BEST1: variants seen among roughly 807,000 people sequenced by gnomAD.
BEST1 encodes bestrophin 1.
Under a neutral mutation model 63.3 loss-of-function variants are expected in BEST1, and 58 were observed. The observed-to-expected ratio is 0.92, with a 90% CI of 0.74 to 1.14. The LOEUF is 1.14. BEST1 is among the 50% of genes most tolerant of loss of function. The pLI is 0.00. For missense variants in BEST1, 671 were observed against 740.1 expected (o/e 0.91, Z 1.08); for synonymous variants, 283 against 291.6 (o/e 0.97, Z 0.30).
chr11:61,955,527 A>T (rs1591282457), intron 3 of BEST1, 191 bp from the exon 4 acceptor site: 2 of 1,014,542 alleles, frequency 2.0e-6, no homozygotes, highest in Non-Finnish European at 1.4e-6. Context: ...GGGTGACAGA[A>T]CCCTTGGGGC....
chr11:61,962,394 T>C lies in BEST1; in HGVS notation c.1240T>C (p.Trp414Arg). 3 of 1,614,140 alleles carry C rather than the reference T, an allele frequency of 1.9e-6. No homozygotes were observed. Among genetic ancestry groups the C allele is most frequent in the Non-Finnish European group, 2.5e-6 (3 of 1,180,022 alleles). ...GGCAAACTCAAGGACCAAACTACTG[T>C]GGCCCAAGAGGGAATCCCTTCTCCA... ...PRANSRTKLL[W>R]PKRESLLHEG... The change falls in exon 10 of 11, where the codon TGG becomes CGG. Residue 414 changes from tryptophan to arginine, a missense_variant. By Grantham distance (101) the Trp-to-Arg change is moderately radical. Transcript: ENST00000378043.
chr11:61,952,298 TAA>T (rs398115449), intron 2 of BEST1, among the ~76,000 whole-genome samples: 7 of 81,348 alleles, frequency 8.6e-5, no homozygotes, highest in South Asian at 1.3e-3. Flanking sequence ...CATAGTACAT[TAA>T]AAAAGAGAGA....
chr11:61,959,465 C>T (rs762373750), intron 7 of BEST1, 33 bp from the exon 8 acceptor site: 1 of 1,608,950 alleles, frequency 6.2e-7, no homozygotes, highest in Non-Finnish European at 8.5e-7. Flanking sequence ...GGAGTTCTGC[C>T]TGAGGGTTTA....
chr11:61,955,519 G>C, intron 3 of BEST1, 199 bp from the exon 4 acceptor site: 1 of 1,035,410 alleles, frequency 9.7e-7, no homozygotes, highest in South Asian at 1.7e-5. Flanking sequence ...GGACCCCCGG[G>C]TGACAGAACC....
chr11:61,953,703 C>T (rs1940959817), intron 2 of BEST1, among the ~76,000 whole-genome samples: 2 of 151,966 alleles, frequency 1.3e-5, no homozygotes, highest in African/African-American at 2.4e-5. Flanking sequence ...GAGTGAGACT[C>T]CGTCTAAAAA....
intron 9 of BEST1, chr11:61,961,856 G>A (rs1425065154): frequency 4.5e-6 from 1 of 220,204 alleles, no homozygotes; most frequent in Non-Finnish European, 9.3e-6. Flanking sequence ...ACTCCCAGTT[G>A]GAACCACAAA....
rs1942214888 is a variant in BEST1 at position 61,962,815 on chromosome 11, A to T, written c.1661A>T (p.Glu554Val). The T allele has an allele frequency of 6.2e-7, 1 of 1,614,070 alleles. No homozygotes were observed. The change falls in exon 10 of 11, where the codon GAA becomes GTA. Residue 554 changes from glutamate to valine, a missense_variant. Glu to Val is a moderately radical substitution (Grantham distance 121). Coordinates refer to ENST00000378043, the MANE Select transcript of BEST1 (RefSeq NM_004183.4). ...MPEIPENHLK[E>V]PLEQSPTNIH... The stretch of plus-strand genomic sequence containing the variant: ...GAGATCCCCGAAAATCACCTCAAAG[A>T]ACCTTTGGAACAATCACCAACCAAC...
intron 2 of BEST1, among the ~76,000 whole-genome samples, chr11:61,953,903 A>C (rs917013503): frequency 3.0e-4 from 45 of 151,996 alleles, no homozygotes; most frequent in Non-Finnish European, 3.2e-4. Context: ...ACAAACAAAC[A>C]AACAAACAAA....
rs770425433 is a variant in BEST1, at chr11:61,960,082, C to T, written c.1100+39C>T. 44 of 1,595,600 alleles carry T rather than the reference C, an allele frequency of 2.8e-5. No homozygotes were observed. The South Asian group carries it at 4.6e-4, about 17-fold the overall frequency. On this transcript the variant is annotated intron_variant, in intron 9 of 10. Transcript: ENST00000378043. ...CAGGGGGCTGGGTGGGAAGCCCCTC[C>T]TAGTGCAGGGGTCTGCCTAGGAACT... is the stretch of plus-strand genomic sequence containing the variant.
chr11:61,960,163 C>T, intron 9 of BEST1, 120 bp downstream of exon 9: 3 of 1,310,902 alleles, frequency 2.3e-6, no homozygotes, highest in Non-Finnish European at 3.2e-6. Flanking sequence ...AGGCACTGTA[C>T]TATGCTCTTT....
chr11:61,962,360 T>A lies in BEST1; in HGVS notation c.1206T>A (p.His402Gln), dbSNP rs764148803. 1.2e-5 allele frequency: 20 copies of A among 1,613,870 alleles called. No individual in the cohort carries two copies. Among genetic ancestry groups the A allele is most frequent in the Non-Finnish European group, 1.6e-5 (19 of 1,179,984 alleles). Residue 402 changes from histidine (H) to glutamine (Q), a missense_variant, in exon 10 of 11, where the codon CAT becomes CAA. Transcript: ENST00000378043. ...TAGGCCTGCAGTCCCATGATCACCA[T>A]CCTCCCAGGGCAAACTCAAGGACCA... ...RFLGLQSHDH[H>Q]PPRANSRTKL...
At position 61,962,772 on chromosome 11, in the gene BEST1, A is replaced by T. The variant is rs749501361; in HGVS notation, c.1618A>T (p.Asn540Tyr). Residue 540 changes from asparagine (N) to tyrosine (Y), a missense_variant, in exon 10 of 11, where the codon AAC (asparagine) becomes TAC (tyrosine). Transcript: ENST00000378043. ...SQVRRKTVEF[N>Y]LTDMPEIPEN... ...AGTGAGGAGGAAAACTGTGGAGTTT[A>T]ACCTGACGGATATGCCAGAGATCCC... 1 of 1,614,222 alleles carries T rather than the reference A, an allele frequency of 6.2e-7. No individual in the cohort carries two copies. Among genetic ancestry groups the T allele is most frequent in the South Asian group, 1.1e-5 (1 of 91,090 alleles).
Position 61,955,193 on chromosome 11 carries a change from TC to T in BEST1, c.240del (p.Phe80LeufsTer7), listed in dbSNP as rs1377955792. 6.2e-7 allele frequency: 1 copy of T among 1,614,022 alleles called. No homozygotes were observed. The highest frequency in any genetic ancestry group is 1.7e-5 in the Admixed American group (1 of 60,012). The stretch of plus-strand genomic sequence containing the variant: ...TACATCCAGCTCATCCCCATTTCCT[TC>T]GTGCTGGGTGAGTTCCCCCTTCTGG... ...DSYIQLIPIS[F>X]VLGFYVTLVV... On this transcript the variant is annotated frameshift_variant, in exon 3 of 11. Coordinates refer to ENST00000378043, the MANE Select transcript of BEST1 (RefSeq NM_004183.4). LOFTEE classifies it high-confidence loss of function.
chr11:61,957,112 G>C (rs1234735389), intron 5 of BEST1, 114 bp downstream of exon 5: 2 of 1,471,000 alleles, frequency 1.4e-6, no homozygotes, highest in Non-Finnish European at 1.9e-6. Context: ...CCGAGAGCCT[G>C]AGGTGGGGTT....
chr11:61,954,835 C>G (rs763285982), intron 2 of BEST1: 159 of 985,440 alleles, frequency 1.6e-4, no homozygotes, highest in Non-Finnish European at 1.9e-4. Context: ...GCCTCTGCAG[C>G]AGGACCTTCC....
rs1211789024 is a variant in BEST1 at position 61,951,921 on chromosome 11, T to C, written c.115T>C (p.Phe39Leu). 1 of 1,613,712 alleles carries C rather than the reference T, an allele frequency of 6.2e-7. No individual in the cohort carries two copies. Among genetic ancestry groups the C allele is most frequent in the Non-Finnish European group, 8.5e-7 (1 of 1,179,958 alleles). ...GCTGCTATATGGCGAGTTCTTAATCTTCCTGCTCTGCTACTACATCATCCG... is the reference window on the plus strand; with the variant it reads ...GCTGCTATATGGCGAGTTCTTAATCCTCCTGCTCTGCTACTACATCATCCG... ...YKLLYGEFLI[F>L]LLCYYIIRFI... Residue 39 changes from phenylalanine (F) to leucine (L), a missense_variant, in exon 2 of 11, where the codon TTC becomes CTC. Phe to Leu is a conservative substitution (Grantham distance 22). Coordinates refer to ENST00000378043, the MANE Select transcript of BEST1 (RefSeq NM_004183.4).
intron 10 of BEST1, 129 bp from the exon 11 acceptor site, chr11:61,963,975 G>A (rs565070598): frequency 2.2e-5 from 33 of 1,514,432 alleles, no homozygotes; most frequent in East Asian, 4.9e-5. Context: ...CCTGGGCGAC[G>A]GAGTGAGACT....
intron 10 of BEST1, chr11:61,963,549 C>T (rs775612299): frequency 9.2e-5 from 95 of 1,027,100 alleles, no homozygotes; most frequent in Non-Finnish European, 1.1e-4. Flanking sequence ...TTATAAACAC[C>T]CCACTTCAGC....
At chr11:61,957,522 G>A (rs1353058805) in intron 6 of BEST1, 58 bp downstream of exon 6, 1 of 1,549,330 alleles carries the variant, frequency 6.5e-7, no homozygotes, top group Non-Finnish European at 8.9e-7. Flanking sequence ...AAGGACCAAG[G>A]AAGCAGCTGG....
Sources: gnomAD v4.1 joint callset for allele counts (sites outside exome capture counted in the v4.1 genomes callset) on GRCh38, gnomAD v4.1.1 for gene constraint, MANE v1.5 for transcripts, NCBI Gene and HGNC (gene_info 2026-07-23, HGNC 2026-07-21) for gene names.